PCNX1: variants seen among roughly 807,000 people sequenced by gnomAD.
PCNX1 encodes the protein pecanex-like protein 1.
PCNX1 carries 78 observed loss-of-function variants against 242.2 expected under a neutral mutation model. That is an observed-to-expected ratio of 0.32 (90% CI 0.27 to 0.39). The LOEUF (loss-of-function observed/expected upper bound fraction) is 0.39, where lower values mean the gene tolerates loss of function less well. Among genes scored for constraint, PCNX1 ranks in the 10% least tolerant of loss-of-function variants. The pLI is 1.00. For missense variants in PCNX1, 2,581 were observed against 2,856.5 expected (o/e 0.90, Z 2.20); for synonymous variants, 1,024 against 1,032.9 (o/e 0.99, Z 0.17).
chr14:71,066,547 T>A (rs975187692), intron 26 of PCNX1, among the ~76,000 whole-genome samples: 80 of 152,228 alleles, frequency 5.3e-4, no homozygotes, highest in African/African-American at 1.9e-3. Context: ...AATCATGTCA[T>A]CTGCAAACAG....
At chr14:71,082,908 T>C (rs530115894) in intron 28 of PCNX1, among the ~76,000 whole-genome samples, 1 of 152,316 alleles carries the variant, frequency 6.6e-6, no homozygotes, top group Admixed American at 6.5e-5. Context: ...GCTGGTTATT[T>C]TGCCCATTAG....
intron 8 of PCNX1, among the ~76,000 whole-genome samples, chr14:70,997,535 A>G (rs567715684): frequency 2.6e-5 from 4 of 152,140 alleles, no homozygotes; most frequent in African/African-American, 9.7e-5. Context: ...AGTTCTGAAG[A>G]TTGAAAAAAC....
At chr14:71,106,777 G>A (rs1373297630) in intron 33 of PCNX1, among the ~76,000 whole-genome samples, 1 of 152,006 alleles carries the variant, frequency 6.6e-6, no homozygotes, top group African/African-American at 2.4e-5. Flanking sequence ...TACATCTTTT[G>A]CCTATTTTTC....
intron 8 of PCNX1, among the ~76,000 whole-genome samples, chr14:71,004,534 A>G (rs992386324): frequency 1.3e-5 from 2 of 152,220 alleles, no homozygotes; most frequent in Non-Finnish European, 2.9e-5. Flanking sequence ...GAGGTGGAAC[A>G]GTTTCATCCT....
At chr14:71,071,238 A>G (rs1256054708) in intron 26 of PCNX1, among the ~76,000 whole-genome samples, 2 of 152,218 alleles carry the variant, frequency 1.3e-5, no homozygotes, top group African/African-American at 2.4e-5. Flanking sequence ...AACATTCTCC[A>G]TATCAGCAAT....
intron 34 of PCNX1, 102 bp from the exon 35 acceptor site, chr14:71,109,350 T>TA (rs2062706744): frequency 1.8e-6 from 2 of 1,083,112 alleles, no homozygotes; most frequent in South Asian, 3.3e-5. Flanking sequence ...TATAGGAATT[T>TA]AAAAAGTAAT....
chr14:71,104,452 CT>C lies in PCNX1; in HGVS notation c.6096-782del, dbSNP rs1157577204. Reference sequence around the variant, plus strand: ...ATTACCGTAAAGAGATTCTTTCCCCCTAAGAAAAATGGCATAGAGTGCCCAA... The same window carrying C: ...ATTACCGTAAAGAGATTCTTTCCCCCAAGAAAAATGGCATAGAGTGCCCAA... On this transcript the variant is annotated intron_variant, in intron 32 of 35. Coordinates refer to ENST00000304743, the MANE Select transcript of PCNX1 (RefSeq NM_014982.3). Among the ~76,000 whole-genome samples the C allele has an allele frequency of 3.3e-5, 5 of 152,218 alleles. No individual in the cohort carries two copies. In the East Asian group the frequency reaches 9.7e-4, roughly 29 times the overall value.
chr14:71,049,905 A>G (rs963344000), intron 22 of PCNX1, among the ~76,000 whole-genome samples: 20 of 152,214 alleles, frequency 1.3e-4, no homozygotes, highest in African/African-American at 4.6e-4. Context: ...ACTGTGGCAT[A>G]TTCAACCTTA....
chr14:70,973,650 ATGT>A (rs2058605615), intron 5 of PCNX1, among the ~76,000 whole-genome samples: 1 of 152,050 alleles, frequency 6.6e-6, no homozygotes, highest in Non-Finnish European at 1.5e-5. Context: ...ATTTTGTAAG[ATGT>A]TGTAAGAGAT....
chr14:70,967,108 A>G (rs577612929), intron 3 of PCNX1, among the ~76,000 whole-genome samples: 2 of 152,304 alleles, frequency 1.3e-5, no homozygotes, highest in African/African-American at 4.8e-5. Context: ...TTTCACTGGC[A>G]TGTAACTTAC....
chr14:70,975,193 G>A (rs1037009414), intron 5 of PCNX1, among the ~76,000 whole-genome samples: 2 of 151,812 alleles, frequency 1.3e-5, no homozygotes, highest in South Asian at 2.1e-4. Context: ...CACACCAACC[G>A]ATAATTGCTT....
intron 30 of PCNX1, among the ~76,000 whole-genome samples, chr14:71,094,804 T>C (rs1356128395): frequency 1.3e-5 from 2 of 152,180 alleles, no homozygotes; most frequent in African/African-American, 4.8e-5. Flanking sequence ...AGGTATCGCA[T>C]GCCTTTAGTC....
intron 30 of PCNX1, among the ~76,000 whole-genome samples, chr14:71,089,763 A>G (rs1259504041): frequency 6.6e-6 from 1 of 152,216 alleles, no homozygotes; most frequent in East Asian, 1.9e-4. Flanking sequence ...TTGGGTGAGG[A>G]CACAACCACA....
At position 71,110,085 on chromosome 14, in the gene PCNX1, C is replaced by T. The variant is rs1367807478; in HGVS notation, c.*150C>T. 6.8e-6 allele frequency: 5 copies of T among 739,892 alleles called. No homozygotes were observed. In the African/African-American group the frequency reaches 8.6e-5, roughly 13 times the overall value. 45.8% of individuals were successfully genotyped at this position (739,892 alleles called of 1,614,324 possible). A position where few individuals can be genotyped will look rare whatever the true frequency, so the allele number is the denominator to read the frequency against. ...GAATGAGCTTGGTTAAGCACCTCTC[C>T]TTTGCCCTTCACCCTGACTCCTGTC... On this transcript the variant is annotated 3_prime_UTR_variant, in exon 36 of 36. Transcript: ENST00000304743.
At chr14:70,933,249 T>G (rs2056872374) in intron 1 of PCNX1, among the ~76,000 whole-genome samples, 3 of 152,170 alleles carry the variant, frequency 2.0e-5, no homozygotes, top group Admixed American at 2.0e-4. Context: ...ACTGGTGGTG[T>G]TGGCGGTGAT....
chr14:70,939,887 C>T (rs1031844322), intron 1 of PCNX1, among the ~76,000 whole-genome samples: 1 of 152,100 alleles, frequency 6.6e-6, no homozygotes, highest in African/African-American at 2.4e-5. Flanking sequence ...TATGCAATGG[C>T]CTTCTTTGTC....
chr14:71,021,683 T>G (rs534229135), intron 12 of PCNX1, among the ~76,000 whole-genome samples: 2 of 152,210 alleles, frequency 1.3e-5, no homozygotes, highest in African/African-American at 2.4e-5. Flanking sequence ...TAAATTGCTT[T>G]TCTTAAGTCT....
At chr14:71,069,216 T>A (rs2061531098) in intron 26 of PCNX1, among the ~76,000 whole-genome samples, 1 of 152,142 alleles carries the variant, frequency 6.6e-6, no homozygotes, top group Non-Finnish European at 1.5e-5. Flanking sequence ...TCCCACTAGG[T>A]CCCTCTCACA....
intron 16 of PCNX1, chr14:71,031,771 G>C: frequency 2.2e-6 from 3 of 1,387,756 alleles, no homozygotes; most frequent in East Asian, 2.3e-5. Context: ...AAACTTCTCA[G>C]CCTCTTCCTA....
Sources: gnomAD v4.1 joint callset for allele counts (sites outside exome capture counted in the v4.1 genomes callset) on GRCh38, gnomAD v4.1.1 for gene constraint, MANE v1.5 for transcripts, NCBI Gene and HGNC (gene_info 2026-07-23, HGNC 2026-07-21) for gene names.